The following PHLDB2 variants were observed in gnomAD, a reference collection of about 807,000 sequenced individuals.
PHLDB2 encodes pleckstrin homology like domain family B member 2.
A neutral mutation model predicts 123.6 loss-of-function variants in PHLDB2; 71 were observed. That is an observed-to-expected ratio of 0.57 (90% CI 0.47 to 0.70). The LOEUF (loss-of-function observed/expected upper bound fraction) is 0.70. Among genes scored for constraint, PHLDB2 ranks in the 30% least tolerant of loss-of-function variants. The probability of loss-of-function intolerance (pLI) is 0.00; values close to 1 mark genes in which losing one functional copy is unlikely to be tolerated. For missense variants in PHLDB2, 1,446 were observed against 1,519.5 expected, an observed-to-expected ratio of 0.95 and a Z score of 0.80; for synonymous variants, 547 against 541.6, an observed-to-expected ratio of 1.01 and a Z score of -0.14.
intron 1 of PHLDB2, among the ~76,000 whole-genome samples, chr3:111,860,360 C>G (rs576258652): frequency 6.6e-6 from 1 of 152,214 alleles, no homozygotes; most frequent in East Asian, 1.9e-4. Flanking sequence ...CTTTGACCCC[C>G]CACTGAAAGT....
chr3:111,829,758 G>A (rs777180560), intron 1 of PHLDB2, among the ~76,000 whole-genome samples: 3 of 152,064 alleles, frequency 2.0e-5, no homozygotes, highest in South Asian at 2.1e-4. Flanking sequence ...CACCGCGCCC[G>A]ACCAACATCT....
At chr3:111,971,140 G>A (rs2072149989) in intron 16 of PHLDB2, among the ~76,000 whole-genome samples, 1 of 152,208 alleles carries the variant, frequency 6.6e-6, no homozygotes, top group African/African-American at 2.4e-5. Context: ...ATCCAGAGCA[G>A]CTTTCTTCAG....
intron 1 of PHLDB2, among the ~76,000 whole-genome samples, chr3:111,758,870 T>G (rs1390195735): frequency 6.6e-6 from 1 of 152,042 alleles, no homozygotes; most frequent in African/African-American, 2.4e-5. Flanking sequence ...CACGATAAAC[T>G]CATGAAGATG....
At chr3:111,860,834 G>C (rs1014932299) in intron 1 of PHLDB2, among the ~76,000 whole-genome samples, 1 of 152,212 alleles carries the variant, frequency 6.6e-6, no homozygotes, top group Non-Finnish European at 1.5e-5. Flanking sequence ...GCCAGGCACA[G>C]CTGGGAGTGT....
intron 1 of PHLDB2, chr3:111,779,714 T>C (rs560706407): frequency 2.8e-6 from 1 of 359,186 alleles, no homozygotes; most frequent in Admixed American, 6.5e-5. Context: ...TCCACATTTT[T>C]GCTCTTGTGA....
At chr3:111,733,992 T>A (rs1941596858) in intron 1 of PHLDB2, among the ~76,000 whole-genome samples, 1 of 152,170 alleles carries the variant, frequency 6.6e-6, no homozygotes, top group African/African-American at 2.4e-5. Flanking sequence ...GTTGTGGAAC[T>A]GAAGTGACTC....
At chr3:111,876,503 ATTC>A (rs1389431540) in intron 1 of PHLDB2, among the ~76,000 whole-genome samples, 4 of 152,180 alleles carry the variant, frequency 2.6e-5, no homozygotes, top group African/African-American at 9.7e-5. Flanking sequence ...GATATACTAT[ATTC>A]TTATAATAAA....
chr3:111,833,929 A>T lies in PHLDB2; in HGVS notation c.-48-11892A>T, dbSNP rs867904999. The stretch of plus-strand genomic sequence containing the variant: ...ATATATGTAATAGAATTATATATAT[A>T]ATATATGTAATGGAATTATATATAT... On this transcript the variant is annotated intron_variant, in intron 1 of 17. Transcript: ENST00000393923. 6.5e-5 allele frequency among the ~76,000 whole-genome samples: 6 copies of T among 92,186 alleles called. 3 individuals carry two copies. The highest frequency in any genetic ancestry group is 1.1e-4 in the Non-Finnish European group (6 of 52,374). The allele number at this position is 92,186 out of a possible 152,430, so 60.5% of individuals were successfully genotyped here. A position where few individuals can be genotyped will look rare whatever the true frequency, so the allele number is the denominator to read the frequency against.
chr3:111,814,899 T>C (rs2062003512), intron 1 of PHLDB2, among the ~76,000 whole-genome samples: 1 of 152,184 alleles, frequency 6.6e-6, no homozygotes, highest in Non-Finnish European at 1.5e-5. Context: ...CACCCAAATC[T>C]CATCTTGAAT....
At chr3:111,943,482 TAAAAG>T (rs2070057505) in intron 8 of PHLDB2, among the ~76,000 whole-genome samples, 1 of 152,106 alleles carries the variant, frequency 6.6e-6, no homozygotes, top group Admixed American at 6.5e-5. Context: ...CAAAAATTTT[TAAAAG>T]AAATGACAAA....
At chr3:111,973,976 C>T (rs914902626) in intron 17 of PHLDB2, among the ~76,000 whole-genome samples, 159 bp downstream of exon 17, 1 of 151,046 alleles carries the variant, frequency 6.6e-6, no homozygotes, top group Non-Finnish European at 1.5e-5. Context: ...GTGGGATGGC[C>T]GTTCTCTTTG....
chr3:111,766,696 G>A (rs1056864735), intron 1 of PHLDB2, among the ~76,000 whole-genome samples: 7 of 151,996 alleles, frequency 4.6e-5, no homozygotes, highest in Non-Finnish European at 8.8e-5. Context: ...CCCTTACTAG[G>A]TAGTGCGGGC....
chr3:111,880,120 G>A (rs73228547), intron 1 of PHLDB2, among the ~76,000 whole-genome samples: 15,707 of 151,432 alleles, frequency 0.1, 1,061 homozygotes, highest in Non-Finnish European at 0.15. Flanking sequence ...ATTATTTTAG[G>A]CTCCATGGCT....
In PHLDB2 at chr3:111,838,923, A is replaced by G. The variant is rs192643289; in HGVS notation, c.-48-6898A>G. Among the ~76,000 whole-genome samples the G allele has an allele frequency of 9.8e-5, 15 of 152,328 alleles. No homozygotes were observed. In the East Asian group the frequency reaches 2.9e-3, roughly 29 times the overall value. Reference sequence around the variant, plus strand: ...TTTCTTGTGAACATTCTATCTAGGAAGAATTCAGCAGAATGAATATTCATC... The same window carrying G: ...TTTCTTGTGAACATTCTATCTAGGAGGAATTCAGCAGAATGAATATTCATC... On this transcript the variant is annotated intron_variant, in intron 1 of 17. Transcript: ENST00000393923.
intron 1 of PHLDB2, among the ~76,000 whole-genome samples, chr3:111,827,219 A>T (rs931941042): frequency 1.3e-5 from 2 of 152,062 alleles, no homozygotes; most frequent in Non-Finnish European, 2.9e-5. Flanking sequence ...CCTTCCTCTA[A>T]CCTTTTAACC....
chr3:111,771,159 G>A (rs1278136315), intron 1 of PHLDB2, among the ~76,000 whole-genome samples: 1 of 152,184 alleles, frequency 6.6e-6, no homozygotes, highest in Non-Finnish European at 1.5e-5. Flanking sequence ...GTTTTCTAGG[G>A]CTGCCATTAC....
At chr3:111,938,802 CT>C (rs71631325) in intron 6 of PHLDB2, among the ~76,000 whole-genome samples, 23,250 of 144,742 alleles carry the variant, frequency 0.16, 2,040 homozygotes, top group Non-Finnish European at 0.19. Flanking sequence ...TCCTTTCTTT[CT>C]TTTTTTATTT....
chr3:111,876,963 C>G (rs1238705211), intron 1 of PHLDB2, among the ~76,000 whole-genome samples: 4 of 152,198 alleles, frequency 2.6e-5, no homozygotes, highest in African/African-American at 7.2e-5. Flanking sequence ...TTTATCCAGT[C>G]TATCATTGAT....
intron 1 of PHLDB2, among the ~76,000 whole-genome samples, chr3:111,733,643 A>G (rs1941580499): frequency 6.6e-6 from 1 of 152,244 alleles, no homozygotes; most frequent in Admixed American, 6.5e-5. Flanking sequence ...TAACTATGAA[A>G]CAAGTTATTG....
Sources: gnomAD v4.1 joint callset for allele counts (sites outside exome capture counted in the v4.1 genomes callset) on GRCh38, gnomAD v4.1.1 for gene constraint, MANE v1.5 for transcripts, NCBI Gene and HGNC (gene_info 2026-07-23, HGNC 2026-07-21) for gene names.